Variants in CPPED1 observed in about 807,000 individuals in gnomAD.
CPPED1 encodes calcineurin like phosphoesterase domain containing 1, also known as serine/threonine-protein phosphatase CPPED1.
Under a neutral mutation model 28.0 loss-of-function variants are expected in CPPED1, and 28 were observed. The observed-to-expected ratio is 1.00, with a 90% CI of 0.74 to 1.37. The LOEUF is 1.37. Among genes scored for constraint, CPPED1 ranks in the 40% most tolerant of loss-of-function variants. The pLI is 0.00. For synonymous variants in CPPED1, 198 were observed against 180.2 expected (o/e 1.10, Z -0.79); for missense variants, 504 against 416.5 (o/e 1.21, Z -1.83).
intron 1 of CPPED1, among the ~76,000 whole-genome samples, chr16:12,796,611 A>C (rs2080629184): frequency 6.6e-6 from 1 of 152,244 alleles, no homozygotes; most frequent in African/African-American, 2.4e-5. Flanking sequence ...ACTGGAACCC[A>C]TATACACTGC....
intron 3 of CPPED1, among the ~76,000 whole-genome samples, chr16:12,700,531 C>T (rs1255326310): frequency 6.6e-6 from 1 of 152,210 alleles, no homozygotes; most frequent in Non-Finnish European, 1.5e-5. Flanking sequence ...GCTGGGATTA[C>T]AGGTGGGCAC....
At chr16:12,730,208 C>A (rs148177712) in intron 2 of CPPED1, among the ~76,000 whole-genome samples, 174 of 152,182 alleles carry the variant, frequency 1.1e-3, no homozygotes, top group Non-Finnish European at 1.9e-3. Flanking sequence ...TCCTATGTTG[C>A]CCTGGCTAGT....
intron 2 of CPPED1, among the ~76,000 whole-genome samples, chr16:12,726,091 G>C (rs2080168475): frequency 6.6e-6 from 1 of 151,944 alleles, no homozygotes; most frequent in Non-Finnish European, 1.5e-5. Context: ...GCCCAAGCTG[G>C]AGTGCAATGG....
chr16:12,764,631 G>T (rs566569673), intron 2 of CPPED1, among the ~76,000 whole-genome samples: 1 of 152,156 alleles, frequency 6.6e-6, no homozygotes, highest in African/African-American at 2.4e-5. Flanking sequence ...GAGCCACTGC[G>T]CCTGGCCTGA....
Position 12,704,755 on chromosome 16 carries a change from C to G in CPPED1, c.584G>C (p.Arg195Pro). 6.2e-7 allele frequency: 1 copy of G among 1,614,174 alleles called. No individual in the cohort carries two copies. Among genetic ancestry groups the G allele is most frequent in the Non-Finnish European group, 8.5e-7 (1 of 1,180,024 alleles). Residue 195 changes from arginine to proline, a missense_variant, in exon 3 of 4, where the codon CGG (arginine) becomes CCG (proline). Arg to Pro is a moderately radical substitution (Grantham distance 103). Transcript: ENST00000381774. ...LDEQLSIARQ[R>P]HCQHAIVFQH... ...GAAGACGATGGCATGCTGGCAGTGCCGCTGCCTCGCGATGCTCAGCTGCTC... is the reference window on the plus strand; with the variant it reads ...GAAGACGATGGCATGCTGGCAGTGCGGCTGCCTCGCGATGCTCAGCTGCTC...
At chr16:12,768,230 A>G (rs1306185581) in intron 2 of CPPED1, among the ~76,000 whole-genome samples, 2 of 152,054 alleles carry the variant, frequency 1.3e-5, no homozygotes, top group African/African-American at 4.8e-5. Flanking sequence ...GTCCTGACAT[A>G]TTTCTTCTCT....
chr16:12,725,616 C>T (rs1439424867), intron 2 of CPPED1, among the ~76,000 whole-genome samples: 1 of 152,136 alleles, frequency 6.6e-6, no homozygotes, highest in Non-Finnish European at 1.5e-5. Flanking sequence ...GGGTCCAGCA[C>T]AGCCACAGAA....
At chr16:12,696,976 C>T (rs1183301957) in intron 3 of CPPED1, among the ~76,000 whole-genome samples, 1 of 152,160 alleles carries the variant, frequency 6.6e-6, no homozygotes, top group African/African-American at 2.4e-5. Context: ...CAAGTTTTGC[C>T]TTATCTGCAC....
In CPPED1 at chr16:12,704,824, G is replaced by C. The variant is rs1482523311; in HGVS notation, c.515C>G (p.Ser172Cys). 1.2e-6 allele frequency: 2 copies of C among 1,614,100 alleles called. No individual in the cohort carries two copies. The highest frequency in any genetic ancestry group is 2.7e-5 in the African/African-American group (2 of 74,938). ...AGCCTGCTTCAGGCTGGGGCATTTG[G>C]AGGGGTTCTCGTAGAACTGGGAGTT... ...VLNSQFYENPSKCPSLKQAQD... is the reference protein window; with the variant it reads ...VLNSQFYENPCKCPSLKQAQD... Residue 172 changes from serine (S) to cysteine (C), a missense_variant, in exon 3 of 4, where the codon TCC (serine) becomes TGC (cysteine). Physicochemically the swap from Ser to Cys is moderately radical, Grantham distance 112. Transcript: ENST00000381774.
At chr16:12,730,340 C>T (rs763975411) in intron 2 of CPPED1, among the ~76,000 whole-genome samples, 5 of 152,006 alleles carry the variant, frequency 3.3e-5, no homozygotes, top group South Asian at 4.1e-4. Context: ...CAGCTGGCAG[C>T]GAGAAAAGTC....
intron 2 of CPPED1, chr16:12,720,476 T>C (rs373128756): frequency 1.8e-4 from 28 of 152,794 alleles, no homozygotes; most frequent in African/African-American, 6.7e-4. Flanking sequence ...ATTAACAAAG[T>C]GTTTTATTAT....
At chr16:12,776,911 T>C (rs891456125) in intron 2 of CPPED1, among the ~76,000 whole-genome samples, 1 of 151,992 alleles carries the variant, frequency 6.6e-6, no homozygotes. Flanking sequence ...AGAGTGAGAC[T>C]CCATCTCAAA....
intron 2 of CPPED1, among the ~76,000 whole-genome samples, chr16:12,773,321 A>G (rs964796753): frequency 4.6e-5 from 7 of 152,358 alleles, no homozygotes; most frequent in African/African-American, 1.4e-4. Flanking sequence ...AATGCTGAGC[A>G]TGTGTAAGTC....
At chr16:12,747,089 G>A (rs2080294192) in intron 2 of CPPED1, among the ~76,000 whole-genome samples, 1 of 151,632 alleles carries the variant, frequency 6.6e-6, no homozygotes, top group Middle Eastern at 3.4e-3. Flanking sequence ...AAAAGAAGAA[G>A]AATGGGAAAT....
intron 1 of CPPED1, among the ~76,000 whole-genome samples, chr16:12,787,405 C>CTTTT (rs57802112): frequency 5.0e-5 from 7 of 140,862 alleles, no homozygotes; most frequent in African/African-American, 5.4e-5. Context: ...ATTTTTCTTT[C>CTTTT]TTTTTTTTTT....
chr16:12,664,885 G>C lies in CPPED1; in HGVS notation c.*1C>G, dbSNP rs772298081. 6.8e-6 allele frequency: 11 copies of C among 1,606,022 alleles called. No homozygotes were observed. In the East Asian group the frequency reaches 2.5e-4, roughly 36 times the overall value. On this transcript the variant is annotated 3_prime_UTR_variant, in exon 4 of 4. Coordinates refer to ENST00000381774, the MANE Select transcript of CPPED1 (RefSeq NM_018340.3). This position sits in a 1 kb window ranked among gnomAD's most constrained non-coding sequence, Gnocchi z 4.2. ...AAAGTGAACGGGAACGGGAAGGAGC[G>C]TCATTTTTTCTTGATCAAATCCATG...
At chr16:12,710,383 G>A (rs1397303644) in intron 2 of CPPED1, among the ~76,000 whole-genome samples, 1 of 151,450 alleles carries the variant, frequency 6.6e-6, no homozygotes, top group African/African-American at 2.4e-5. Flanking sequence ...GAAAAGACTA[G>A]GAGAGAAATA....
intron 2 of CPPED1, among the ~76,000 whole-genome samples, chr16:12,744,517 C>T (rs923975492): frequency 3.3e-5 from 5 of 152,144 alleles, no homozygotes; most frequent in Non-Finnish European, 5.9e-5. Context: ...TAGCAGGCTA[C>T]GGCAGCCAGT....
At chr16:12,684,705 C>A (rs1328038067) in intron 3 of CPPED1, among the ~76,000 whole-genome samples, 1 of 152,208 alleles carries the variant, frequency 6.6e-6, no homozygotes, top group African/African-American at 2.4e-5. Flanking sequence ...TGGCTCCCAC[C>A]TTGGTTTCCC....
Sources: gnomAD v4.1 joint callset for allele counts (sites outside exome capture counted in the v4.1 genomes callset) on GRCh38, gnomAD v4.1.1 for gene constraint, Gnocchi (gnomAD v3.1) non-coding constraint, MANE v1.5 for transcripts, NCBI Gene and HGNC (gene_info 2026-07-23, HGNC 2026-07-21) for gene names.